Variants in TOX2 observed in about 807,000 individuals in gnomAD.
TOX2 encodes the protein TOX high mobility group box family member 2, also known as granulosa cell HMG box 1.
A neutral mutation model predicts 47.4 loss-of-function variants in TOX2; 15 were observed. The ratio of observed to expected loss-of-function variants is 0.32; its 90% CI spans 0.21 to 0.49. TOX2 has a LOEUF of 0.49. Among genes scored for constraint, TOX2 ranks in the 20% least tolerant of loss-of-function variants. The pLI is 0.99. For missense variants in TOX2, 622 were observed against 673.1 expected (o/e 0.92, Z 0.84); for synonymous variants, 290 against 296.6 (o/e 0.98, Z 0.23).
At chr20:43,975,596 A>C (rs1467244489) in intron 2 of TOX2, among the ~76,000 whole-genome samples, 1 of 152,098 alleles carries the variant, frequency 6.6e-6, no homozygotes, top group Non-Finnish European at 1.5e-5. Context: ...GACTTGCCTC[A>C]GCCTAAATGT....
chr20:43,943,286 A>G (rs190410347), intron 1 of TOX2, among the ~76,000 whole-genome samples: 104 of 118,726 alleles, frequency 8.8e-4, no homozygotes, highest in African/African-American at 2.3e-3. Context: ...GCCTTGGCCT[A>G]GCTCCTATAA....
chr20:43,971,488 A>G (rs1008401304), intron 1 of TOX2, among the ~76,000 whole-genome samples: 1 of 152,216 alleles, frequency 6.6e-6, no homozygotes, highest in Non-Finnish European at 1.5e-5. Flanking sequence ...GTAAACAGAC[A>G]TTTCACATGG....
At chr20:43,951,705 A>ATTTTTTTTTTTTTTTTTTTTTTT (rs1212223106) in intron 1 of TOX2, among the ~76,000 whole-genome samples, 16 of 30,376 alleles carry the variant, frequency 5.3e-4, no homozygotes, top group Non-Finnish European at 8.1e-4. Flanking sequence ...TAAACTTATT[A>ATTTTTTTTTTTTTTTTTTTTTTT]TGTTTTTTTT....
At chr20:44,033,067 G>A (rs768479155) in intron 3 of TOX2, among the ~76,000 whole-genome samples, 6 of 152,152 alleles carry the variant, frequency 3.9e-5, no homozygotes, top group African/African-American at 7.2e-5. Context: ...GCACCTGTGC[G>A]CTACAGCTAT....
intron 1 of TOX2, among the ~76,000 whole-genome samples, chr20:43,954,808 T>A (rs1188360770): frequency 6.6e-6 from 1 of 152,220 alleles, no homozygotes; most frequent in Admixed American, 6.5e-5. Flanking sequence ...GGGAGAGACG[T>A]CAGACCTGGG....
intron 3 of TOX2, among the ~76,000 whole-genome samples, chr20:44,015,453 G>T (rs962068275): frequency 1.3e-5 from 2 of 152,136 alleles, no homozygotes; most frequent in Admixed American, 1.3e-4. Flanking sequence ...GGCTCTGAAA[G>T]GTTGAAAGAT....
rs142840949 is a variant in TOX2, at chr20:43,957,814, G to A, written c.100-15553G>A. Among the ~76,000 whole-genome samples, 525 of 152,270 alleles carry A rather than the reference G, an allele frequency of 3.4e-3. 5 individuals are homozygous for A. The highest frequency in any genetic ancestry group is 0.014 in the Middle Eastern group (4 of 294). On this transcript the variant is annotated intron_variant, in intron 1 of 8. Coordinates refer to ENST00000341197, the MANE Select transcript of TOX2 (RefSeq NM_001098797.2). ...AGGTCTCAGAAAACTTACAACCGTG[G>A]CAGAAGGTGAAAGGGTGGCAGGTAC...
intron 2 of TOX2, among the ~76,000 whole-genome samples, chr20:43,990,283 T>C (rs1261905255): frequency 1.3e-5 from 2 of 152,312 alleles, no homozygotes; most frequent in Non-Finnish European, 2.9e-5. Context: ...AGCTATATAT[T>C]TTTTAAAAAT....
chr20:43,957,996 G>A (rs1303979932), intron 1 of TOX2, among the ~76,000 whole-genome samples: 3 of 152,136 alleles, frequency 2.0e-5, no homozygotes, highest in African/African-American at 7.2e-5. Context: ...CCAAAATTGG[G>A]CATTACAATT....
chr20:43,980,023 T>C (rs1384773554), intron 2 of TOX2, among the ~76,000 whole-genome samples: 4 of 152,234 alleles, frequency 2.6e-5, no homozygotes, highest in Admixed American at 6.5e-5. Flanking sequence ...ATCCAACTGC[T>C]GGGTATATAC....
chr20:43,935,298 C>T lies in TOX2; in HGVS notation c.99+20308C>T, dbSNP rs117399171. ...CTTTCTCCGCCATCTTCCCTGTAAG[C>T]CTCTCCTGCGTAGGATGTTATATAA... On this transcript the variant is annotated intron_variant, in intron 1 of 8. Coordinates refer to ENST00000341197, the MANE Select transcript of TOX2 (RefSeq NM_001098797.2). Among the ~76,000 whole-genome samples, 1,153 of 152,324 alleles carry T rather than the reference C, an allele frequency of 7.6e-3. 12 individuals carry two copies. Among genetic ancestry groups the T allele is most frequent in the Non-Finnish European group, 0.011 (731 of 68,026 alleles).
chr20:44,029,118 C>T lies in TOX2; in HGVS notation c.412-22188C>T, dbSNP rs146347079. ...CTGGCAGCCCCCTGACACTCAGGGT[C>T]GCCACCGCGCTGATGCTGAACAGCA... On this transcript the variant is annotated intron_variant, in intron 3 of 8. Transcript: ENST00000341197. Among the ~76,000 whole-genome samples, 10 of 152,360 alleles carry T rather than the reference C, an allele frequency of 6.6e-5. No individual in the cohort carries two copies. The East Asian group carries it at 7.7e-4, about 12-fold the overall frequency.
Position 43,916,013 on chromosome 20 carries a change from C to A in TOX2, c.99+1023C>A, listed in dbSNP as rs2069051125. The A allele has an allele frequency of 1.5e-6, 1 of 653,862 alleles. No individual in the cohort carries two copies. The highest frequency in any genetic ancestry group is 1.9e-6 in the Non-Finnish European group (1 of 527,024). 40.5% of individuals were successfully genotyped at this position (653,862 alleles called of 1,614,324 possible). A position where few individuals can be genotyped will look rare whatever the true frequency, so the allele number is the denominator to read the frequency against. On this transcript the variant is annotated intron_variant, in intron 1 of 8. Coordinates refer to ENST00000341197, the MANE Select transcript of TOX2 (RefSeq NM_001098797.2). This position sits in a 1 kb window ranked among gnomAD's most constrained non-coding sequence, Gnocchi z 5.0. ...TTGGGTGCCTCTAAGCAGTCCGCGT[C>A]CCCTTCGGTCGCCGGAGAGGGAACT...
chr20:43,951,152 G>C (rs2069557684), intron 1 of TOX2, among the ~76,000 whole-genome samples: 1 of 152,292 alleles, frequency 6.6e-6, no homozygotes, highest in East Asian at 1.9e-4. Flanking sequence ...CCTTTCAGGA[G>C]GGACCCTTGC....
At chr20:43,963,115 C>T (rs548704040) in intron 1 of TOX2, among the ~76,000 whole-genome samples, 13 of 152,140 alleles carry the variant, frequency 8.5e-5, no homozygotes, top group African/African-American at 2.9e-4. Context: ...TAAGCGGCCA[C>T]CATTCTAGAT....
In TOX2 at chr20:43,939,809, C is replaced by T. The variant is rs375103747; in HGVS notation, c.99+24819C>T. Among the ~76,000 whole-genome samples, 17 of 152,270 alleles carry T rather than the reference C, an allele frequency of 1.1e-4. 1 individual carries two copies. The highest frequency in any genetic ancestry group is 4.6e-4 in the Admixed American group (7 of 15,294). ...AGGATTAAAGAGATGACAGAAAGTA[C>T]CAGTGCCTGGCACAGAGTAGATGCT... On this transcript the variant is annotated intron_variant, in intron 1 of 8. Coordinates refer to ENST00000341197, the MANE Select transcript of TOX2 (RefSeq NM_001098797.2).
chr20:44,034,592 G>A (rs773875145), intron 3 of TOX2, among the ~76,000 whole-genome samples: 2 of 152,218 alleles, frequency 1.3e-5, no homozygotes, highest in African/African-American at 4.8e-5. Flanking sequence ...GCTCGAGGCA[G>A]TGACTCAAGG....
chr20:43,946,589 C>T (rs1006879875), intron 1 of TOX2, among the ~76,000 whole-genome samples: 35 of 152,170 alleles, frequency 2.3e-4, no homozygotes, highest in African/African-American at 8.0e-4. Context: ...TGGTGAATGC[C>T]ACCTTTTCCG....
At chr20:44,019,237 A>G (rs1183912192) in intron 3 of TOX2, among the ~76,000 whole-genome samples, 1 of 152,246 alleles carries the variant, frequency 6.6e-6, no homozygotes, top group Non-Finnish European at 1.5e-5. Context: ...AGTCTGCTTC[A>G]TATCTTCTAA....
Sources: gnomAD v4.1 joint callset for allele counts (sites outside exome capture counted in the v4.1 genomes callset) on GRCh38, gnomAD v4.1.1 for gene constraint, Gnocchi (gnomAD v3.1) non-coding constraint, MANE v1.5 for transcripts, NCBI Gene and HGNC (gene_info 2026-07-23, HGNC 2026-07-21) for gene names.